CSMD1: variants seen among roughly 807,000 people sequenced by gnomAD.
CSMD1 encodes the protein CUB and Sushi multiple domains 1.
Under a neutral mutation model 417.5 loss-of-function variants are expected in CSMD1, and 213 were observed. The ratio of observed to expected loss-of-function variants is 0.51; its 90% CI spans 0.46 to 0.57. CSMD1 has a LOEUF of 0.57. CSMD1 is among the 20% of genes least tolerant of loss of function. CSMD1 has a pLI of 0.00. For missense variants in CSMD1, 6,923 were observed against 4,529.7 expected (o/e 1.53, Z -15.17); for synonymous variants, 2,862 against 1,736.8 (o/e 1.65, Z -16.11).
At chr8:4,208,033 T>A (rs745422557) in intron 3 of CSMD1, among the ~76,000 whole-genome samples, 1 of 152,148 alleles carries the variant, frequency 6.6e-6, no homozygotes, top group Non-Finnish European at 1.5e-5. Flanking sequence ...TAGGAGAATA[T>A]GTAAATATAT....
At chr8:4,063,273 G>T (rs2740877) in intron 3 of CSMD1, among the ~76,000 whole-genome samples, 32,440 of 119,694 alleles carry the variant, frequency 0.27, 4,323 homozygotes, top group East Asian at 0.63. Flanking sequence ...TTATTACATA[G>T]AACAAAAAAA....
intron 2 of CSMD1, among the ~76,000 whole-genome samples, chr8:4,424,329 C>T (rs973967121): frequency 6.6e-6 from 1 of 151,798 alleles, no homozygotes; most frequent in African/African-American, 2.4e-5. Flanking sequence ...ACCATGAACT[C>T]TCCAGACTCA....
chr8:4,345,612 C>T (rs1448228423), intron 3 of CSMD1, among the ~76,000 whole-genome samples: 1 of 151,904 alleles, frequency 6.6e-6, no homozygotes, highest in African/African-American at 2.4e-5. Flanking sequence ...AAAACAAAAA[C>T]AAAAAGTACC....
intron 2 of CSMD1, among the ~76,000 whole-genome samples, chr8:4,564,878 T>C (rs1445622341): frequency 6.6e-6 from 1 of 152,252 alleles, no homozygotes; most frequent in Non-Finnish European, 1.5e-5. Context: ...CTGTGTCTTG[T>C]TTGTTTACGT....
chr8:4,546,593 A>G (rs1178367402), intron 2 of CSMD1, among the ~76,000 whole-genome samples: 1 of 152,140 alleles, frequency 6.6e-6, no homozygotes, highest in Non-Finnish European at 1.5e-5. Flanking sequence ...CAGATTCAGG[A>G]CAGGACTTTG....
chr8:3,062,203 G>C (rs1202031911), intron 49 of CSMD1, among the ~76,000 whole-genome samples: 1 of 151,564 alleles, frequency 6.6e-6, no homozygotes, highest in African/African-American at 2.4e-5. Flanking sequence ...ATATTTTCTT[G>C]GAATAATTAG....
chr8:4,871,556 G>A (rs545931290), intron 1 of CSMD1, among the ~76,000 whole-genome samples: 1 of 152,158 alleles, frequency 6.6e-6, no homozygotes. Flanking sequence ...TTGTTTTTAT[G>A]TTTTGCTTTT....
At chr8:3,975,889 A>T (rs1030025378) in intron 5 of CSMD1, among the ~76,000 whole-genome samples, 7 of 152,198 alleles carry the variant, frequency 4.6e-5, no homozygotes, top group African/African-American at 1.7e-4. Flanking sequence ...TGTTTTCATT[A>T]GTTGCAAATG....
At chr8:3,133,717 C>G (rs1817921100) in intron 41 of CSMD1, among the ~76,000 whole-genome samples, 1 of 152,150 alleles carries the variant, frequency 6.6e-6, no homozygotes, top group African/African-American at 2.4e-5. Flanking sequence ...TGCCCAGCAC[C>G]TCTCGCTGGC....
At chr8:4,315,408 G>C (rs1004130322) in intron 3 of CSMD1, among the ~76,000 whole-genome samples, 3 of 152,160 alleles carry the variant, frequency 2.0e-5, no homozygotes, top group African/African-American at 7.2e-5. Context: ...CAAGGGATGA[G>C]TGGCCCATGT....
intron 1 of CSMD1, among the ~76,000 whole-genome samples, chr8:4,976,328 T>G (rs918507173): frequency 1.3e-5 from 2 of 152,214 alleles, no homozygotes; most frequent in Non-Finnish European, 2.9e-5. Context: ...CAGCTGTTCC[T>G]TCTCTCAGTT....
intron 12 of CSMD1, among the ~76,000 whole-genome samples, chr8:3,411,158 A>G (rs1054650065): frequency 6.6e-6 from 1 of 152,260 alleles, no homozygotes; most frequent in African/African-American, 2.4e-5. Flanking sequence ...TACAGACTTA[A>G]AAGATCTCTC....
intron 2 of CSMD1, among the ~76,000 whole-genome samples, chr8:4,479,184 A>T (rs1334022285): frequency 1.3e-5 from 2 of 152,332 alleles, no homozygotes; most frequent in Non-Finnish European, 2.9e-5. Context: ...TGGGTCCACA[A>T]CCTTGAAATG....
At chr8:4,290,048 C>T (rs981686529) in intron 3 of CSMD1, among the ~76,000 whole-genome samples, 4 of 152,148 alleles carry the variant, frequency 2.6e-5, no homozygotes, top group African/African-American at 9.7e-5. Context: ...TTAACCAGAA[C>T]CAACAACTGC....
At chr8:3,193,068 G>A (rs988356457) in intron 33 of CSMD1, among the ~76,000 whole-genome samples, 1 of 152,140 alleles carries the variant, frequency 6.6e-6, no homozygotes, top group East Asian at 1.9e-4. Context: ...GGCAAAGGTT[G>A]CACTTATCTA....
intron 3 of CSMD1, among the ~76,000 whole-genome samples, chr8:4,356,384 T>G (rs983534489): frequency 6.6e-6 from 1 of 151,986 alleles, no homozygotes; most frequent in African/African-American, 2.4e-5. Context: ...TTATGGACAT[T>G]TGGGTTGGTT....
chr8:3,858,836 T>C (rs1173008907), intron 5 of CSMD1, among the ~76,000 whole-genome samples: 1 of 152,188 alleles, frequency 6.6e-6, no homozygotes, highest in East Asian at 1.9e-4. Context: ...ACTTGCATGT[T>C]GCATTTTTGT....
intron 3 of CSMD1, among the ~76,000 whole-genome samples, chr8:4,239,006 C>A (rs978646417): frequency 3.9e-5 from 6 of 152,156 alleles, no homozygotes; most frequent in Admixed American, 3.3e-4. Flanking sequence ...ACTATGGCTA[C>A]AGGATTAGGT....
At chr8:3,596,269 T>C (rs1293579152) in intron 8 of CSMD1, among the ~76,000 whole-genome samples, 1 of 152,088 alleles carries the variant, frequency 6.6e-6, no homozygotes, top group Non-Finnish European at 1.5e-5. Context: ...CCTCACACAA[T>C]AGCAGCAGAC....
Sources: gnomAD v4.1 joint callset for allele counts (sites outside exome capture counted in the v4.1 genomes callset) on GRCh38, gnomAD v4.1.1 for gene constraint, MANE v1.5 for transcripts, NCBI Gene and HGNC (gene_info 2026-07-23, HGNC 2026-07-21) for gene names.